Variants in NBAS observed in about 807,000 individuals in gnomAD.
NBAS encodes NBAS subunit of NRZ tethering complex.
A neutral mutation model predicts 302.5 loss-of-function variants in NBAS; 219 were observed. The observed-to-expected ratio is 0.72, with a 90% confidence interval of 0.65 to 0.81. The LOEUF (loss-of-function observed/expected upper bound fraction) is 0.81, where lower values mean the gene tolerates loss of function less well. Among genes scored for constraint, NBAS ranks in the 30% least tolerant of loss-of-function variants. NBAS has a pLI of 0.00. For missense variants in NBAS, 2,932 were observed against 2,841.6 expected (o/e 1.03, Z -0.72); for synonymous variants, 1,118 against 1,021.6 (o/e 1.09, Z -1.80).
chr2:15,223,723 G>A (rs1667046860), intron 47 of NBAS, among the ~76,000 whole-genome samples: 1 of 151,772 alleles, frequency 6.6e-6, no homozygotes, highest in African/African-American at 2.4e-5. Flanking sequence ...CAGCTACCCA[G>A]GAGGCTGAGG....
the NBAS span, among the ~76,000 whole-genome samples, chr2:14,786,471 T>G: frequency 3.3e-5 from 5 of 152,200 alleles, no homozygotes; most frequent in African/African-American, 1.2e-4. Context: ...TGCTATAAAT[T>G]TCCCGCTACA....
chr2:15,415,390 T>C (rs1449879852), intron 25 of NBAS, among the ~76,000 whole-genome samples, 156 bp downstream of exon 25: 2 of 152,220 alleles, frequency 1.3e-5, no homozygotes, highest in East Asian at 1.9e-4. Flanking sequence ...CTTTTGACTA[T>C]GCTGTTAAAA....
chr2:14,802,634 C>G, the NBAS span, among the ~76,000 whole-genome samples: 2 of 150,746 alleles, frequency 1.3e-5, no homozygotes, highest in African/African-American at 4.9e-5. Flanking sequence ...GACTTGGAAC[C>G]AACCCAAATG....
At chr2:15,049,700 T>C in the NBAS span, among the ~76,000 whole-genome samples, 1,015 of 152,310 alleles carry the variant, frequency 6.7e-3, 14 homozygotes, top group African/African-American at 0.023. Flanking sequence ...CTCGTGCTCC[T>C]TCGGGGGCTG....
chr2:15,358,296 T>C (rs889218328), intron 32 of NBAS, among the ~76,000 whole-genome samples: 3 of 150,308 alleles, frequency 2.0e-5, no homozygotes, highest in Admixed American at 1.3e-4. Flanking sequence ...TTTCAGGGAG[T>C]CTACAGAGTC....
the NBAS span, among the ~76,000 whole-genome samples, chr2:15,108,295 A>T: frequency 6.6e-6 from 1 of 152,242 alleles, no homozygotes; most frequent in East Asian, 1.9e-4. Context: ...TGACCTCTCA[A>T]CAATGGAGAA....
chr2:15,181,083 A>T (rs1454919964), intron 50 of NBAS, among the ~76,000 whole-genome samples: 1 of 152,196 alleles, frequency 6.6e-6, no homozygotes, highest in African/African-American at 2.4e-5. Context: ...GGGCAAGAAT[A>T]TTGTTCCTTC....
Position 15,534,602 on chromosome 2 carries a change from G to C in NBAS, c.687C>G (p.Phe229Leu), listed in dbSNP as rs1663393549. 1.9e-6 allele frequency: 3 copies of C among 1,613,722 alleles called. No homozygotes were observed. Among genetic ancestry groups the C allele is most frequent in the Non-Finnish European group, 2.5e-6 (3 of 1,179,826 alleles). ...TNQSYQESHC[F>L]SFSSHYPHGI... ...CATGAGGATAATGACTACTGAAGCTGAAACAGTGACTTTCTTGGTAGCTCT... is the reference window on the plus strand; with the variant it reads ...CATGAGGATAATGACTACTGAAGCTCAAACAGTGACTTTCTTGGTAGCTCT... The change falls in exon 9 of 52, where the codon TTC becomes TTG. Residue 229 changes from phenylalanine (F) to leucine (L), a missense_variant. Phe to Leu is a conservative substitution (Grantham distance 22). Transcript: ENST00000281513.
chr2:15,191,851 G>A (rs1048726784), intron 48 of NBAS, among the ~76,000 whole-genome samples: 1 of 152,088 alleles, frequency 6.6e-6, no homozygotes, highest in Non-Finnish European at 1.5e-5. Context: ...GTAATTCTCC[G>A]ACCTCACCAC....
intron 21 of NBAS, among the ~76,000 whole-genome samples, chr2:15,452,938 T>C (rs1166985592): frequency 6.6e-6 from 1 of 152,200 alleles, no homozygotes; most frequent in Non-Finnish European, 1.5e-5. Flanking sequence ...CAGCACTTTA[T>C]TAGGAGATAT....
intron 9 of NBAS, among the ~76,000 whole-genome samples, chr2:15,529,304 A>G (rs1428920337): frequency 6.6e-6 from 1 of 152,098 alleles, no homozygotes; most frequent in African/African-American, 2.4e-5. Flanking sequence ...ATGCAAGATC[A>G]GCCTGAGCAA....
the NBAS span, among the ~76,000 whole-genome samples, chr2:15,110,126 A>G: frequency 3.3e-5 from 5 of 152,128 alleles, no homozygotes; most frequent in Non-Finnish European, 7.4e-5. Context: ...GGCCAAGGGA[A>G]GCTGCATTCC....
intron 10 of NBAS, among the ~76,000 whole-genome samples, chr2:15,507,220 G>GGACA (rs966107067): frequency 4.1e-4 from 62 of 152,312 alleles, no homozygotes; most frequent in African/African-American, 1.3e-3. Context: ...GCCTGAGCAA[G>GGACA]GACAGTTCCT....
chr2:15,410,642 T>C (rs1395272989), intron 25 of NBAS, among the ~76,000 whole-genome samples: 5 of 152,226 alleles, frequency 3.3e-5, no homozygotes, highest in African/African-American at 4.8e-5. Context: ...AATCTTTGCA[T>C]AAGTTCTAAG....
rs191002123 is a variant in NBAS, at chr2:15,289,724, G to A, written c.5028-2541C>T. 1.5e-3 allele frequency among the ~76,000 whole-genome samples: 233 copies of A among 152,266 alleles called. 2 individuals are homozygous for A. The highest frequency in any genetic ancestry group is 1.2e-3 in the Non-Finnish European group (83 of 68,030). On this transcript the variant is annotated intron_variant, in intron 41 of 51. Coordinates refer to ENST00000281513, the MANE Select transcript of NBAS (RefSeq NM_015909.4). The stretch of plus-strand genomic sequence containing the variant: ...CATGAAAATGGACATGCAGCTGGGC[G>A]CGGTGGCTCATGCCTGTAATCCTAG...
At chr2:14,904,375 C>A in the NBAS span, among the ~76,000 whole-genome samples, 2 of 152,182 alleles carry the variant, frequency 1.3e-5, no homozygotes, top group Non-Finnish European at 2.9e-5. Context: ...TGGCAAACCA[C>A]TGATATAAGT....
the NBAS span, among the ~76,000 whole-genome samples, chr2:14,877,940 C>A: frequency 1.3e-5 from 2 of 152,172 alleles, no homozygotes; most frequent in Admixed American, 6.5e-5. Context: ...TCAGCAACAG[C>A]CATCAGATTC....
At chr2:14,862,752 G>A in the NBAS span, among the ~76,000 whole-genome samples, 2 of 152,156 alleles carry the variant, frequency 1.3e-5, no homozygotes, top group African/African-American at 4.8e-5. Flanking sequence ...AGATGCTATA[G>A]CAGATGATTC....
the NBAS span, among the ~76,000 whole-genome samples, chr2:14,846,526 T>C: frequency 4.7e-3 from 678 of 144,558 alleles, 9 homozygotes; most frequent in Admixed American, 0.031. Flanking sequence ...CACAAAAAAC[T>C]ATATAATATG....
Sources: allele counts gnomAD v4.1 joint callset (sites outside exome capture counted in the v4.1 genomes callset), GRCh38; gene constraint gnomAD v4.1.1; transcripts MANE v1.5; gene names NCBI Gene and HGNC (gene_info 2026-07-23, HGNC 2026-07-21).